The following IMPG1 variants were observed in gnomAD, a reference collection of about 807,000 sequenced individuals.
IMPG1 encodes interphotoreceptor matrix proteoglycan 1, also known as interphotoreceptor matrix proteoglycan of 150 kDa.
IMPG1 carries 85 observed loss-of-function variants against 92.0 expected under a neutral mutation model. The observed-to-expected ratio is 0.92, with a 90% CI of 0.78 to 1.11. The LOEUF (loss-of-function observed/expected upper bound fraction) is 1.11. Among genes scored for constraint, IMPG1 ranks in the 50% least tolerant of loss-of-function variants. The pLI, the probability that IMPG1 is intolerant of heterozygous loss-of-function variation, is 0.00. For missense variants in IMPG1, 1,022 were observed against 956.0 expected (o/e 1.07, Z -0.91); for synonymous variants, 367 against 334.1 (o/e 1.10, Z -1.08).
At chr6:76,060,628 G>T (rs1784189642) in intron 1 of IMPG1, among the ~76,000 whole-genome samples, 1 of 152,164 alleles carries the variant, frequency 6.6e-6, no homozygotes, top group Non-Finnish European at 1.5e-5. Context: ...GAGAACTTAG[G>T]TCCAGTGGTT....
intron 12 of IMPG1, among the ~76,000 whole-genome samples, chr6:75,985,927 G>A (rs548709344): frequency 2.0e-5 from 3 of 152,288 alleles, no homozygotes; most frequent in African/African-American, 7.2e-5. Context: ...TGCCTGATCT[G>A]TTGGTGCCCA....
At chr6:76,011,339 T>C in intron 7 of IMPG1, 115 bp from the exon 8 acceptor site, 2 of 489,948 alleles carry the variant, frequency 4.1e-6, no homozygotes, top group South Asian at 7.7e-5. Flanking sequence ...AAATGGAAAA[T>C]GATTATTTTT....
chr6:75,987,339 T>C (rs1782733893), intron 12 of IMPG1, among the ~76,000 whole-genome samples: 1 of 150,512 alleles, frequency 6.6e-6, no homozygotes, highest in Non-Finnish European at 1.5e-5. Flanking sequence ...AGTTCTAGGG[T>C]ACATGTGCAC....
chr6:76,060,763 G>T (rs1338914344), intron 1 of IMPG1, among the ~76,000 whole-genome samples: 6 of 152,104 alleles, frequency 3.9e-5, no homozygotes, highest in African/African-American at 1.4e-4. Flanking sequence ...GACTGCAGAG[G>T]TCTTTTCTAC....
At chr6:76,015,872 C>T (rs1783278526) in intron 7 of IMPG1, among the ~76,000 whole-genome samples, 1 of 150,806 alleles carries the variant, frequency 6.6e-6, no homozygotes, top group South Asian at 2.1e-4. Flanking sequence ...ATACAATAGT[C>T]CCTTCCCACA....
chr6:76,044,483 G>C (rs1348696737), intron 1 of IMPG1, among the ~76,000 whole-genome samples: 1 of 152,072 alleles, frequency 6.6e-6, no homozygotes, highest in East Asian at 1.9e-4. Flanking sequence ...GCCTGGTCCT[G>C]TTCCGTACCT....
At chr6:75,931,979 A>G (rs533728822) in intron 14 of IMPG1, among the ~76,000 whole-genome samples, 2 of 152,360 alleles carry the variant, frequency 1.3e-5, no homozygotes, top group South Asian at 4.1e-4. Flanking sequence ...GGCTGATGGC[A>G]GAACCAGAAC....
At chr6:75,973,661 A>G (rs1022980409) in intron 12 of IMPG1, among the ~76,000 whole-genome samples, 2 of 152,364 alleles carry the variant, frequency 1.3e-5, no homozygotes, top group East Asian at 1.9e-4. Flanking sequence ...GGGTTTGAAC[A>G]CAAATCAGGG....
chr6:75,979,017 A>G (rs1782583495), intron 12 of IMPG1, among the ~76,000 whole-genome samples: 1 of 152,054 alleles, frequency 6.6e-6, no homozygotes, highest in African/African-American at 2.4e-5. Flanking sequence ...GGCTCAGGTA[A>G]TTCTCCCACC....
chr6:76,069,745 CA>C (rs59771309), intron 1 of IMPG1, among the ~76,000 whole-genome samples: 130,902 of 147,930 alleles, frequency 0.88, 57,914 homozygotes, highest in Non-Finnish European at 0.92. Context: ...ATTGGTTGAT[CA>C]AAAAAAAAAA....
At chr6:76,021,685 C>T (rs1264315714) in intron 6 of IMPG1, among the ~76,000 whole-genome samples, 1 of 149,324 alleles carries the variant, frequency 6.7e-6, no homozygotes, top group Non-Finnish European at 1.5e-5. Context: ...GAGAACAAAA[C>T]CTTCACTCTT....
chr6:75,963,683 C>G (rs919057897), intron 12 of IMPG1, among the ~76,000 whole-genome samples: 1 of 152,170 alleles, frequency 6.6e-6, no homozygotes, highest in African/African-American at 2.4e-5. Flanking sequence ...TCAGTAAGAA[C>G]AGTGAACTTT....
At chr6:75,924,668 AATTATAT>A (rs1413014687) in intron 15 of IMPG1, among the ~76,000 whole-genome samples, 24 of 10,660 alleles carry the variant, frequency 2.3e-3, no homozygotes, top group Admixed American at 2.8e-3. Context: ...ATATATAATA[AATTATAT>A]ATTATATATT....
chr6:75,999,492 A>G (rs1239514981), intron 12 of IMPG1, among the ~76,000 whole-genome samples: 2 of 152,194 alleles, frequency 1.3e-5, no homozygotes, highest in African/African-American at 2.4e-5. Flanking sequence ...TTACCTGTAC[A>G]TGGGAAAAGG....
intron 14 of IMPG1, among the ~76,000 whole-genome samples, chr6:75,932,931 C>G (rs1781688237): frequency 6.6e-6 from 1 of 152,130 alleles, no homozygotes; most frequent in African/African-American, 2.4e-5. Context: ...GAACTCCTGA[C>G]CTCAGGTGAT....
chr6:76,020,908 A>G (rs1194558041), intron 6 of IMPG1, among the ~76,000 whole-genome samples: 1 of 152,230 alleles, frequency 6.6e-6, no homozygotes, highest in Non-Finnish European at 1.5e-5. Flanking sequence ...ACTCCAAAAC[A>G]TGTCTCTTTG....
At chr6:76,014,763 A>G (rs1783254247) in intron 7 of IMPG1, among the ~76,000 whole-genome samples, 1 of 152,190 alleles carries the variant, frequency 6.6e-6, no homozygotes, top group African/African-American at 2.4e-5. Context: ...CATCAGCAAC[A>G]GGGAGCACTG....
intron 12 of IMPG1, among the ~76,000 whole-genome samples, chr6:75,954,055 C>A (rs1361180678): frequency 6.6e-6 from 1 of 152,080 alleles, no homozygotes; most frequent in Non-Finnish European, 1.5e-5. Flanking sequence ...CTATTGTGAA[C>A]ATTGCCACAA....
rs1415740993 is a variant in IMPG1 at position 76,034,677 on chromosome 6, A to G, written c.412T>C (p.Phe138Leu). 1.2e-6 allele frequency: 2 copies of G among 1,614,144 alleles called. No individual in the cohort carries two copies. The highest frequency in any genetic ancestry group is 4.5e-5 in the East Asian group (2 of 44,872). The change falls in exon 3 of 17, where the codon TTT (phenylalanine) becomes CTT (leucine). Residue 138 changes from phenylalanine to leucine, a missense_variant. Coordinates refer to ENST00000369950, the MANE Select transcript of IMPG1 (RefSeq NM_001563.4). ...TTGCTGAAGTTTTTTCCAATGTCAA[A>G]GAGGCAGAAGGTCTCCTGCTGGCAG... ...SICQQETFCL[F>L]DIGKNFSNSQ... is the part of the protein sequence containing the mutation.
Sources: allele counts gnomAD v4.1 joint callset (sites outside exome capture counted in the v4.1 genomes callset), GRCh38; gene constraint gnomAD v4.1.1; transcripts MANE v1.5; gene names NCBI Gene and HGNC (gene_info 2026-07-23, HGNC 2026-07-21).